Variants in UBR3 observed in about 807,000 individuals in gnomAD.
UBR3 encodes the protein ubiquitin protein ligase E3 component n-recognin 3.
Under a neutral mutation model 243.2 loss-of-function variants are expected in UBR3, and 85 were observed. The observed-to-expected ratio is 0.35, with a 90% CI of 0.29 to 0.42. UBR3 has a LOEUF of 0.42. Among genes scored for constraint, UBR3 ranks in the 10% least tolerant of loss-of-function variants. UBR3 has a pLI of 1.00. For synonymous variants in UBR3, 748 were observed against 799.8 expected, an observed-to-expected ratio of 0.94 and a Z score of 1.09; for missense variants, 1,686 against 2,300.8, an observed-to-expected ratio of 0.73 and a Z score of 5.47.
At chr2:169,942,438 CCA>C in intron 19 of UBR3, 53 bp from the exon 20 acceptor site, 2 of 1,477,786 alleles carry the variant, frequency 1.4e-6, no homozygotes, top group South Asian at 2.7e-5. Context: ...TACATTTAAA[CCA>C]CAGTTTGATT....
chr2:169,962,012 G>A (rs2087597649), intron 24 of UBR3, among the ~76,000 whole-genome samples: 1 of 150,978 alleles, frequency 6.6e-6, no homozygotes, highest in South Asian at 2.1e-4. Flanking sequence ...AAGGTATATT[G>A]TTTCTCATAT....
intron 36 of UBR3, among the ~76,000 whole-genome samples, chr2:170,075,363 T>TAATTGTAG (rs1013635753): frequency 3.3e-5 from 5 of 152,212 alleles, no homozygotes; most frequent in African/African-American, 1.2e-4. Flanking sequence ...AAGAGGGGTA[T>TAATTGTAG]AATTGTAGAA....
intron 5 of UBR3, among the ~76,000 whole-genome samples, chr2:169,883,108 C>T (rs1480480164): frequency 6.6e-6 from 1 of 152,170 alleles, no homozygotes; most frequent in African/African-American, 2.4e-5. Flanking sequence ...AATTTTATGA[C>T]TTAGGAACGT....
At chr2:169,911,336 G>A (rs937010376) in intron 10 of UBR3, among the ~76,000 whole-genome samples, 2 of 152,136 alleles carry the variant, frequency 1.3e-5, no homozygotes, top group African/African-American at 4.8e-5. Context: ...ACTCTTCAGA[G>A]CACTTAACTA....
intron 1 of UBR3, among the ~76,000 whole-genome samples, chr2:169,850,221 C>T (rs2082612472): frequency 7.3e-6 from 1 of 137,812 alleles, no homozygotes; most frequent in Non-Finnish European, 1.5e-5. Context: ...CTCTTTCACC[C>T]AGGCTGGAGT....
chr2:169,885,212 C>T lies in UBR3; in HGVS notation c.1039-5953C>T, dbSNP rs376639444. On this transcript the variant is annotated intron_variant, in intron 5 of 38. Coordinates refer to ENST00000272793, the MANE Select transcript of UBR3 (RefSeq NM_172070.4). ...ATTTTATTGTTGTAATTTAAGATAT[C>T]ATAAAGGAAGATAGGATGAGAATAA... 2.3e-4 allele frequency among the ~76,000 whole-genome samples: 35 copies of T among 152,196 alleles called. No homozygotes were observed. In the South Asian group the frequency reaches 7.0e-3, roughly 31 times the overall value.
At position 169,905,258 on chromosome 2, in the gene UBR3, T is replaced by A; in HGVS notation, c.1610T>A (p.Leu537Ter). 1 of 1,543,490 alleles carries A rather than the reference T, an allele frequency of 6.5e-7. No homozygotes were observed. The highest frequency in any genetic ancestry group is 8.7e-7 in the Non-Finnish European group (1 of 1,143,970). ...AGATTTTTGGAGGATCACGGTTTGT[T>A]AGTTACATGGATGAACTTTGTATCT... ...AKRFLEDHGL[L>*]VTWMNFVSFF... Residue 537 changes from leucine (L) to a stop codon, truncating the protein, a stop_gained, in exon 9 of 39, where the codon TTA becomes TAA. Transcript: ENST00000272793. LOFTEE classifies it high-confidence loss of function.
At position 169,981,143 on chromosome 2, in the gene UBR3, T is replaced by C. The variant is rs1386191198; in HGVS notation, c.3635-5502T>C. 5.9e-5 allele frequency among the ~76,000 whole-genome samples: 9 copies of C among 152,050 alleles called. No homozygotes were observed. In the South Asian group the frequency reaches 8.3e-4, roughly 14 times the overall value. On this transcript the variant is annotated intron_variant, in intron 24 of 38. Transcript: ENST00000272793. ...AATAAATAAGGTAGCATAGAGAAGT[T>C]TCCTATGCAGAAGAATACCTAGTAT...
At chr2:170,011,792 T>C (rs2105408223) in intron 29 of UBR3, among the ~76,000 whole-genome samples, 1 of 152,270 alleles carries the variant, frequency 6.6e-6, no homozygotes, top group South Asian at 2.1e-4. Flanking sequence ...ACATTCAAGT[T>C]TCAATATATT....
chr2:169,832,897 C>A (rs1233972158), intron 1 of UBR3, among the ~76,000 whole-genome samples: 1 of 151,888 alleles, frequency 6.6e-6, no homozygotes, highest in Non-Finnish European at 1.5e-5. Flanking sequence ...CATGCCATTG[C>A]ACTCCAGCCT....
intron 25 of UBR3, among the ~76,000 whole-genome samples, chr2:169,987,020 A>AT (rs1559160754): frequency 6.6e-6 from 1 of 152,034 alleles, no homozygotes; most frequent in African/African-American, 2.4e-5. Context: ...TGGTTTCACA[A>AT]TTTTTTTCTT....
At chr2:169,980,601 G>A (rs1230133246) in intron 24 of UBR3, among the ~76,000 whole-genome samples, 2 of 151,474 alleles carry the variant, frequency 1.3e-5, no homozygotes, top group African/African-American at 4.9e-5. Context: ...CACACCCATT[G>A]CCCAGATCTT....
chr2:169,969,688 A>G (rs568531617), intron 24 of UBR3, among the ~76,000 whole-genome samples: 2 of 151,970 alleles, frequency 1.3e-5, no homozygotes, highest in East Asian at 1.9e-4. Context: ...AGCTGGGACA[A>G]CAGGCGCCTG....
intron 31 of UBR3, among the ~76,000 whole-genome samples, chr2:170,034,308 T>TA (rs999023833): frequency 2.6e-5 from 4 of 151,914 alleles, no homozygotes; most frequent in African/African-American, 7.2e-5. Flanking sequence ...TTCACTGTCC[T>TA]AAAAAAACCC....
At chr2:169,919,395 TAAAG>T (rs2085599512) in intron 11 of UBR3, among the ~76,000 whole-genome samples, 1 of 152,138 alleles carries the variant, frequency 6.6e-6, no homozygotes, top group South Asian at 2.1e-4. Flanking sequence ...CAGCCTGAGT[TAAAG>T]AAGCAGTAAT....
chr2:169,834,486 C>T (rs1294279268), intron 1 of UBR3, among the ~76,000 whole-genome samples: 1 of 152,000 alleles, frequency 6.6e-6, no homozygotes, highest in Non-Finnish European at 1.5e-5. Flanking sequence ...TTGATAGAAC[C>T]CTCCAAAGAA....
At chr2:169,932,438 C>G (rs919458029) in intron 18 of UBR3, among the ~76,000 whole-genome samples, 2 of 152,014 alleles carry the variant, frequency 1.3e-5, no homozygotes, top group East Asian at 3.9e-4. Context: ...TTGTTTAATA[C>G]TTTTTTTGGG....
Position 169,829,814 on chromosome 2 carries a change from TACACACACAC to T in UBR3, c.545+1793_545+1802del, listed in dbSNP as rs10530118. On this transcript the variant is annotated intron_variant, in intron 1 of 38. Transcript: ENST00000272793. ...ATAGGTAAAATATATAGCTAAAAAG[TACACACACAC>T]ACACACACACACACACACACACACA... is the stretch of plus-strand genomic sequence containing the variant. 4.5e-3 allele frequency among the ~76,000 whole-genome samples: 668 copies of T among 149,228 alleles called. 1 individual carries two copies. Among genetic ancestry groups the T allele is most frequent in the African/African-American group, 0.015 (597 of 40,272 alleles).
chr2:169,942,160 G>T (rs1337785362), intron 19 of UBR3, among the ~76,000 whole-genome samples: 2 of 152,140 alleles, frequency 1.3e-5, no homozygotes, highest in African/African-American at 4.8e-5. Context: ...GAATTTTCAG[G>T]TCGTCTATTT....
Sources: allele counts gnomAD v4.1 joint callset (sites outside exome capture counted in the v4.1 genomes callset), GRCh38; gene constraint gnomAD v4.1.1; transcripts MANE v1.5; gene names NCBI Gene and HGNC (gene_info 2026-07-23, HGNC 2026-07-21).